Variants in PRKD1 observed in about 807,000 individuals in gnomAD.
PRKD1 encodes serine/threonine-protein kinase D1.
Under a neutral mutation model 95.9 loss-of-function variants are expected in PRKD1, and 63 were observed. The ratio of observed to expected loss-of-function variants is 0.66; its 90% CI spans 0.54 to 0.81. PRKD1 has a LOEUF of 0.81. Ranked by LOEUF, PRKD1 falls within the 30% of genes least tolerant of loss-of-function variation. The probability of loss-of-function intolerance (pLI) is 0.00; values close to 1 mark genes in which losing one functional copy is unlikely to be tolerated. For synonymous variants in PRKD1, 425 were observed against 423.1 expected (o/e 1.00, Z -0.05); for missense variants, 1,048 against 1,165.3 (o/e 0.90, Z 1.47).
chr14:29,745,597 T>G (rs1887177067), intron 1 of PRKD1, among the ~76,000 whole-genome samples: 1 of 152,046 alleles, frequency 6.6e-6, no homozygotes, highest in Non-Finnish European at 1.5e-5. Context: ...GCCTCCTGAG[T>G]AGCTAGGACT....
chr14:29,643,047 T>G (rs1042932702), intron 4 of PRKD1, among the ~76,000 whole-genome samples: 1 of 152,166 alleles, frequency 6.6e-6, no homozygotes, highest in Non-Finnish European at 1.5e-5. Context: ...TCGTTTTTTA[T>G]AACTATGGGC....
chr14:29,844,236 G>A (rs1891987547), intron 1 of PRKD1, among the ~76,000 whole-genome samples: 1 of 152,224 alleles, frequency 6.6e-6, no homozygotes, highest in African/African-American at 2.4e-5. Context: ...GAGAATAAAA[G>A]TGCAGCAAAG....
At chr14:29,876,724 A>C (rs941567692) in intron 1 of PRKD1, among the ~76,000 whole-genome samples, 2 of 151,988 alleles carry the variant, frequency 1.3e-5, no homozygotes, top group African/African-American at 2.4e-5. Flanking sequence ...AACAAACAAA[A>C]AAAAACAAAA....
chr14:29,594,290 C>T (rs1893225000), intron 16 of PRKD1: 1 of 326,486 alleles, frequency 3.1e-6, no homozygotes, highest in Admixed American at 4.2e-5. Flanking sequence ...AAAAAAAATA[C>T]ATTACAACTA....
At chr14:29,768,527 C>A (rs975693752) in intron 1 of PRKD1, among the ~76,000 whole-genome samples, 5 of 152,112 alleles carry the variant, frequency 3.3e-5, no homozygotes, top group Non-Finnish European at 5.9e-5. Flanking sequence ...TTTCTTAGAA[C>A]CTGTTCAGTT....
At chr14:29,808,957 G>C (rs761489389) in intron 1 of PRKD1, among the ~76,000 whole-genome samples, 2 of 152,152 alleles carry the variant, frequency 1.3e-5, no homozygotes, top group African/African-American at 2.4e-5. Context: ...GGCAGCTGTA[G>C]CCTTATGAAA....
chr14:29,885,850 G>A (rs555994000), intron 1 of PRKD1, among the ~76,000 whole-genome samples: 5 of 147,968 alleles, frequency 3.4e-5, no homozygotes, highest in East Asian at 2.1e-4. Context: ...GTGGTGGCAC[G>A]CACCTACTCA....
intron 1 of PRKD1, among the ~76,000 whole-genome samples, chr14:29,861,746 G>A (rs1892717827): frequency 3.3e-5 from 5 of 151,600 alleles, no homozygotes; most frequent in Admixed American, 2.6e-4. Flanking sequence ...TCTGCCTCCC[G>A]GGTTCAAGCG....
chr14:29,755,082 G>C (rs1887636735), intron 1 of PRKD1, among the ~76,000 whole-genome samples: 2 of 151,822 alleles, frequency 1.3e-5, no homozygotes, highest in African/African-American at 4.8e-5. Flanking sequence ...GATTTTTCCT[G>C]GTATAGAAAA....
chr14:29,704,347 T>A (rs914808314), intron 2 of PRKD1, among the ~76,000 whole-genome samples: 2 of 152,202 alleles, frequency 1.3e-5, no homozygotes, highest in African/African-American at 4.8e-5. Flanking sequence ...TAGCCACTCA[T>A]CCTTTATACC....
intron 1 of PRKD1, among the ~76,000 whole-genome samples, chr14:29,814,231 C>T (rs1247791984): frequency 6.6e-6 from 1 of 152,184 alleles, no homozygotes; most frequent in African/African-American, 2.4e-5. Flanking sequence ...ACTGTATTGT[C>T]TGTCCCACTA....
intron 1 of PRKD1, among the ~76,000 whole-genome samples, chr14:29,878,341 C>CAAAAAAAAAA (rs58074850): frequency 4.0e-5 from 2 of 49,822 alleles, no homozygotes; most frequent in African/African-American, 1.1e-4. Flanking sequence ...GTTCTAATGA[C>CAAAAAAAAAA]AAAAAAAAAA....
chr14:29,680,297 T>C (rs1208188268), intron 2 of PRKD1, among the ~76,000 whole-genome samples: 1 of 152,172 alleles, frequency 6.6e-6, no homozygotes, highest in Non-Finnish European at 1.5e-5. Flanking sequence ...TGAAGCTGAC[T>C]TGTGATCCCC....
chr14:29,664,919 C>T (rs1882398240), intron 3 of PRKD1, among the ~76,000 whole-genome samples: 2 of 152,176 alleles, frequency 1.3e-5, no homozygotes, highest in Non-Finnish European at 2.9e-5. Flanking sequence ...CTCATTTCAA[C>T]AAATGTGTAT....
chr14:29,612,962 C>G (rs1421649001), intron 13 of PRKD1, among the ~76,000 whole-genome samples: 1 of 152,002 alleles, frequency 6.6e-6, no homozygotes, highest in African/African-American at 2.4e-5. Context: ...GCCGGGCTTG[C>G]TGGTGGGTGC....
chr14:29,757,057 T>A (rs528913708), intron 1 of PRKD1, among the ~76,000 whole-genome samples: 1 of 152,202 alleles, frequency 6.6e-6, no homozygotes, highest in African/African-American at 2.4e-5. Flanking sequence ...TTCAGTGATA[T>A]AATTAATTGT....
chr14:29,899,224 C>A (rs1299203875), intron 1 of PRKD1, among the ~76,000 whole-genome samples: 1 of 151,906 alleles, frequency 6.6e-6, no homozygotes, highest in African/African-American at 2.4e-5. Flanking sequence ...ACCATTTTTT[C>A]ATAACAAATT....
intron 2 of PRKD1, among the ~76,000 whole-genome samples, chr14:29,722,229 G>T (rs540022827): frequency 2.0e-5 from 3 of 152,146 alleles, no homozygotes; most frequent in Non-Finnish European, 4.4e-5. Context: ...AGAAAGTTCA[G>T]ATAAATAAAA....
intron 1 of PRKD1, among the ~76,000 whole-genome samples, chr14:29,876,359 G>C (rs1275638439): frequency 2.0e-5 from 3 of 152,166 alleles, no homozygotes; most frequent in Non-Finnish European, 1.5e-5. Flanking sequence ...AAATGGAGGA[G>C]TATAAAGGAA....
Sources: gnomAD v4.1 joint callset for allele counts (sites outside exome capture counted in the v4.1 genomes callset) on GRCh38, gnomAD v4.1.1 for gene constraint, MANE v1.5 for transcripts, NCBI Gene and HGNC (gene_info 2026-07-23, HGNC 2026-07-21) for gene names.